Variants in NDUFAF6 observed in about 807,000 individuals in gnomAD.
NDUFAF6 encodes the protein NADH:ubiquinone oxidoreductase complex assembly factor 6, also known as NADH dehydrogenase (ubiquinone) complex I, assembly factor 6.
In NDUFAF6, 45 loss-of-function variants were observed where a neutral mutation model predicts 40.8. The observed-to-expected ratio is 1.10, with a 90% confidence interval of 0.87 to 1.42. The LOEUF (loss-of-function observed/expected upper bound fraction) is 1.42. NDUFAF6 is among the 40% of genes most tolerant of loss of function. The pLI is 0.00. For missense variants in NDUFAF6, 435 were observed against 418.5 expected (o/e 1.04, Z -0.34); for synonymous variants, 185 against 155.9 (o/e 1.19, Z -1.39).
chr8:95,030,363 C>A (rs951808075), intron 1 of NDUFAF6, among the ~76,000 whole-genome samples: 1 of 152,052 alleles, frequency 6.6e-6, no homozygotes, highest in Non-Finnish European at 1.5e-5. Flanking sequence ...GTAGCTAGGA[C>A]CACAGGCCCA....
intron 9 of NDUFAF6, among the ~76,000 whole-genome samples, chr8:95,069,557 A>G (rs937737760): frequency 6.6e-6 from 1 of 151,420 alleles, no homozygotes; most frequent in African/African-American, 2.4e-5. Context: ...AGGTGGGAGG[A>G]TTACCTGAGG....
At chr8:94,932,808 TAAAA>T (rs749341346) in intron 1 of NDUFAF6, among the ~76,000 whole-genome samples, 2 of 140,778 alleles carry the variant, frequency 1.4e-5, no homozygotes, top group Non-Finnish European at 3.1e-5. Context: ...GTCTCAAAAA[TAAAA>T]AAAAAAGAAT....
intron 2 of NDUFAF6, among the ~76,000 whole-genome samples, chr8:95,093,714 A>G (rs1357936120): frequency 6.6e-6 from 1 of 152,206 alleles, no homozygotes; most frequent in African/African-American, 2.4e-5. Context: ...CAAATAAACT[A>G]TATTAATTTT....
intron 9 of NDUFAF6, among the ~76,000 whole-genome samples, chr8:95,065,831 G>A (rs549610474): frequency 3.3e-5 from 5 of 152,246 alleles, no homozygotes; most frequent in African/African-American, 7.2e-5. Flanking sequence ...TTTATTATGG[G>A]TGAATTTGAG....
chr8:95,115,451 G>A (rs1810112145), intron 4 of NDUFAF6: 1 of 151,888 alleles, frequency 6.6e-6, no homozygotes, highest in South Asian at 2.1e-4. Flanking sequence ...GTGAGAAGAT[G>A]ACAGAGTTAT....
intron 2 of NDUFAF6, among the ~76,000 whole-genome samples, chr8:94,997,801 C>T (rs1826522659): frequency 6.6e-6 from 1 of 152,158 alleles, no homozygotes; most frequent in African/African-American, 2.4e-5. Context: ...GAGAGCCCAG[C>T]CAGAGGTCTG....
In NDUFAF6 at chr8:94,930,561, A is replaced by C. The variant is rs200978262; in HGVS notation, c.-935-14922A>C. On this transcript the variant is annotated intron_variant, in intron 1 of 14. Transcript: ENST00000396113. ...TTGCCGAGGGTGGCAATCCCTGGTA[A>C]GATTTTGGCGACGAAGGCTATTTCT... is the stretch of plus-strand genomic sequence containing the variant. The C allele has an allele frequency of 4.8e-5, 77 of 1,614,094 alleles. No homozygotes were observed. Among genetic ancestry groups the C allele is most frequent in the Non-Finnish European group, 6.3e-5 (74 of 1,180,040 alleles).
downstream of NDUFAF6, among the ~76,000 whole-genome samples, chr8:95,108,247 A>C (rs1335893007): frequency 6.6e-6 from 1 of 152,160 alleles, no homozygotes; most frequent in African/African-American, 2.4e-5. Flanking sequence ...GCAGGGACTC[A>C]AATATTTTAC....
chr8:95,089,676 C>G (rs1471072103), intron 2 of NDUFAF6, among the ~76,000 whole-genome samples: 1 of 152,078 alleles, frequency 6.6e-6, no homozygotes, highest in East Asian at 1.9e-4. Context: ...CCACAATTGG[C>G]AATGGGTACC....
chr8:94,940,328 A>G, intron 1 of NDUFAF6: 4 of 1,319,254 alleles, frequency 3.0e-6, no homozygotes, highest in Non-Finnish European at 4.1e-6. Context: ...AATTCACAGC[A>G]CAGAAAAAGA....
chr8:94,996,531 T>A lies in NDUFAF6; in HGVS notation c.-84+15558T>A, dbSNP rs112362141. On this transcript the variant is annotated intron_variant, in intron 2 of 9. Transcript: ENST00000396111. ...ATTATTGCCTCTTATCTAAATAGAA[T>A]TAGATAATTGGATAGTTGATCTTGT... is the stretch of plus-strand genomic sequence containing the variant. 5.8e-3 allele frequency among the ~76,000 whole-genome samples: 887 copies of A among 152,346 alleles called. 12 individuals are homozygous for A. Among genetic ancestry groups the A allele is most frequent in the Middle Eastern group, 0.034 (10 of 294 alleles).
Position 95,025,031 on chromosome 8 carries a change from C to T in NDUFAF6, c.23C>T (p.Ser8Phe), listed in dbSNP as rs749894145. 7 of 1,381,930 alleles carry T rather than the reference C, an allele frequency of 5.1e-6. No homozygotes were observed. The Admixed American group carries it at 1.8e-4, about 35-fold the overall frequency. 85.6% of individuals were successfully genotyped at this position (1,381,930 alleles called of 1,614,324 possible). A position where few individuals can be genotyped will look rare whatever the true frequency, so the allele number is the denominator to read the frequency against. The change falls in exon 1 of 9, where the codon TCT becomes TTT. Residue 8 changes from serine to phenylalanine, a missense_variant. Physicochemically the swap from Ser to Phe is radical, Grantham distance 155. Transcript: ENST00000396124. MAASAHG[S>F]VWGPLRLGIP... ...GTCATGGCGGCCTCCGCGCACGGCT[C>T]TGTCTGGGGGCCGTTGCGGCTTGGC... is the stretch of plus-strand genomic sequence containing the variant.
At chr8:94,989,632 A>C (rs1826104979) in intron 2 of NDUFAF6, among the ~76,000 whole-genome samples, 1 of 152,248 alleles carries the variant, frequency 6.6e-6, no homozygotes, top group Admixed American at 6.5e-5. Context: ...TCACTCAGCC[A>C]ATAAACTTTT....
At chr8:95,039,681 G>T (rs1472117713) in intron 3 of NDUFAF6, among the ~76,000 whole-genome samples, 2 of 151,632 alleles carry the variant, frequency 1.3e-5, no homozygotes, top group African/African-American at 4.9e-5. Context: ...AGGCTGGAGT[G>T]CAGTGTGGTG....
intron 2 of NDUFAF6, among the ~76,000 whole-genome samples, chr8:95,008,667 C>T (rs1403503354): frequency 2.0e-5 from 3 of 151,984 alleles, no homozygotes; most frequent in Non-Finnish European, 2.9e-5. Flanking sequence ...CCACTACGCC[C>T]GGGTAATTTC....
At chr8:94,992,217 G>A (rs1826226192) in intron 2 of NDUFAF6, among the ~76,000 whole-genome samples, 1 of 152,168 alleles carries the variant, frequency 6.6e-6, no homozygotes, top group African/African-American at 2.4e-5. Flanking sequence ...GCTGGGCACG[G>A]TGGCTCACAC....
rs556982213 is a variant in NDUFAF6 at position 94,904,229 on chromosome 8, T to C, written c.-936+8302T>C. Among the ~76,000 whole-genome samples the C allele has an allele frequency of 2.5e-4, 37 of 150,232 alleles. No homozygotes were observed. The East Asian group carries it at 6.4e-3, about 26-fold the overall frequency. Reference sequence around the variant, plus strand: ...CGCGATCTCGGCTCACTGCAACCTCTGCCTTGTGGGTTCACGCCATTCTCC... The same window carrying C: ...CGCGATCTCGGCTCACTGCAACCTCCGCCTTGTGGGTTCACGCCATTCTCC... On this transcript the variant is annotated intron_variant, in intron 1 of 14. Coordinates refer to the NDUFAF6 transcript ENST00000396113.
chr8:94,974,468 A>C (rs1476592957), intron 1 of NDUFAF6: 3 of 152,108 alleles, frequency 2.0e-5, no homozygotes, highest in Non-Finnish European at 2.9e-5. Context: ...GAAGGGGTAT[A>C]TTGTTCTCCA....
exon 10 of NDUFAF6, chr8:95,075,781 A>G (rs1390068014): frequency 2.8e-6 from 3 of 1,080,006 alleles, no homozygotes; most frequent in Admixed American, 4.6e-5. Flanking sequence ...CTTCTTGCTT[A>G]ACTAGCTCTA....
Sources: allele counts gnomAD v4.1 joint callset (sites outside exome capture counted in the v4.1 genomes callset), GRCh38; gene constraint gnomAD v4.1.1; transcripts MANE v1.5; gene names NCBI Gene and HGNC (gene_info 2026-07-23, HGNC 2026-07-21).